Variants in FBXL17 observed in about 807,000 individuals in gnomAD.
FBXL17 encodes the protein F-box/LRR-repeat protein 17.
Under a neutral mutation model 66.2 loss-of-function variants are expected in FBXL17, and 22 were observed. The observed-to-expected ratio is 0.33, with a 90% confidence interval of 0.24 to 0.47. The LOEUF (loss-of-function observed/expected upper bound fraction) is 0.47. Among genes scored for constraint, FBXL17 ranks in the 20% least tolerant of loss-of-function variants. FBXL17 has a pLI of 1.00. For missense variants in FBXL17, 878 were observed against 948.2 expected, an observed-to-expected ratio of 0.93 and a Z score of 0.97; for synonymous variants, 474 against 400.5, an observed-to-expected ratio of 1.18 and a Z score of -2.19.
At chr5:108,208,075 G>C (rs529348271) in intron 5 of FBXL17, among the ~76,000 whole-genome samples, 1 of 152,188 alleles carries the variant, frequency 6.6e-6, no homozygotes, top group Admixed American at 6.5e-5. Context: ...CAGTGATGAT[G>C]AGCATTTTTT....
chr5:108,261,729 T>C (rs1012047614), intron 4 of FBXL17, among the ~76,000 whole-genome samples: 4 of 151,898 alleles, frequency 2.6e-5, no homozygotes, highest in Non-Finnish European at 5.9e-5. Flanking sequence ...CCTGTTATTG[T>C]CTTAAAAACT....
At chr5:108,175,595 C>CCATTTTCATGAAGCGTAAAGGT (rs886091438) in intron 6 of FBXL17, among the ~76,000 whole-genome samples, 7 of 152,154 alleles carry the variant, frequency 4.6e-5, no homozygotes, top group African/African-American at 1.7e-4. Flanking sequence ...TAAAACCTTT[C>CCATTTTCATGAAGCGTAAAGGT]CATTTTCATG....
intron 7 of FBXL17, among the ~76,000 whole-genome samples, chr5:107,903,328 C>T (rs926353289): frequency 1.3e-5 from 2 of 152,104 alleles, no homozygotes; most frequent in African/African-American, 4.8e-5. Flanking sequence ...GTCAGACATA[C>T]AATAACTAAT....
At chr5:108,331,777 C>A (rs527911687) in intron 4 of FBXL17, among the ~76,000 whole-genome samples, 95 of 152,182 alleles carry the variant, frequency 6.2e-4, no homozygotes, top group African/African-American at 2.2e-3. Context: ...CTCTTCTAAC[C>A]CGTATATCAA....
intron 6 of FBXL17, among the ~76,000 whole-genome samples, chr5:108,148,511 C>G (rs1428135244): frequency 2.0e-5 from 3 of 152,152 alleles, no homozygotes; most frequent in Non-Finnish European, 4.4e-5. Context: ...CAAATAAACC[C>G]TCTAAGTTTT....
Position 107,931,257 on chromosome 5 carries a change from AT to A in FBXL17, c.1823-50079del, listed in dbSNP as rs59275945. On this transcript the variant is annotated intron_variant, in intron 7 of 8. Coordinates refer to ENST00000542267, the MANE Select transcript of FBXL17 (RefSeq NM_001163315.3). ...TTTATTGCTGTTCATGTTAAAGAGAATTTTTTTTTTTTTTTTTTTGAGACAG... is the reference window on the plus strand; with the variant it reads ...TTTATTGCTGTTCATGTTAAAGAGAATTTTTTTTTTTTTTTTTTGAGACAG... Among the ~76,000 whole-genome samples the A allele has an allele frequency of 8.2e-3, 931 of 113,726 alleles. 10 individuals carry two copies. Among genetic ancestry groups the A allele is most frequent in the African/African-American group, 0.021 (733 of 34,530 alleles). The allele number at this position is 113,726 out of a possible 152,430, so 74.6% of individuals were successfully genotyped here.
chr5:108,133,599 T>C (rs1226485773), intron 6 of FBXL17, among the ~76,000 whole-genome samples: 2 of 151,696 alleles, frequency 1.3e-5, no homozygotes, highest in African/African-American at 4.8e-5. Flanking sequence ...CAAGACAGCA[T>C]GCAGAGATCT....
At chr5:107,879,613 A>C (rs1007581855) in intron 8 of FBXL17, 1 of 985,362 alleles carries the variant, frequency 1.0e-6, no homozygotes, top group African/African-American at 1.7e-5. Context: ...ATTAACAAAA[A>C]ATCACAAAGG....
At chr5:108,234,361 A>G (rs1314708955) in intron 4 of FBXL17, among the ~76,000 whole-genome samples, 5 of 152,200 alleles carry the variant, frequency 3.3e-5, no homozygotes, top group African/African-American at 7.2e-5. Context: ...GAGCCTCATA[A>G]TAATATTGAG....
At chr5:107,912,388 T>C (rs1012324887) in intron 7 of FBXL17, among the ~76,000 whole-genome samples, 1 of 152,114 alleles carries the variant, frequency 6.6e-6, no homozygotes, top group African/African-American at 2.4e-5. Context: ...AAGTATTTAT[T>C]ATAGTGAAAA....
intron 6 of FBXL17, among the ~76,000 whole-genome samples, chr5:108,148,080 G>A (rs2149993282): frequency 6.6e-6 from 1 of 152,242 alleles, no homozygotes; most frequent in Admixed American, 6.5e-5. Context: ...GAAGGACAGA[G>A]ATGCAAGCAA....
intron 6 of FBXL17, among the ~76,000 whole-genome samples, chr5:108,119,110 A>C (rs1045433559): frequency 6.6e-6 from 1 of 152,206 alleles, no homozygotes; most frequent in African/African-American, 2.4e-5. Flanking sequence ...CATGGAGGCA[A>C]AAGAGGATGC....
chr5:108,328,309 G>C (rs1759954994), intron 4 of FBXL17, among the ~76,000 whole-genome samples: 2 of 151,998 alleles, frequency 1.3e-5, no homozygotes, highest in African/African-American at 4.8e-5. Context: ...GACAGCAGGA[G>C]ACATGGGCAT....
Position 107,861,644 on chromosome 5 carries a change from A to G in FBXL17, c.*76T>C. On this transcript the variant is annotated 3_prime_UTR_variant, in exon 9 of 9. Coordinates refer to ENST00000542267, the MANE Select transcript of FBXL17 (RefSeq NM_001163315.3). ...ACAGGTGACAGTTAAAACCCTTCCGAGAGATCAGCTCCCCAAATGTACAAT... is the reference window on the plus strand; with the variant it reads ...ACAGGTGACAGTTAAAACCCTTCCGGGAGATCAGCTCCCCAAATGTACAAT... 1 of 1,363,724 alleles carries G rather than the reference A, an allele frequency of 7.3e-7. No individual in the cohort carries two copies. Among genetic ancestry groups the G allele is most frequent in the Admixed American group, 2.6e-5 (1 of 37,914 alleles). The allele number at this position is 1,363,724 out of a possible 1,614,324, so 84.5% of individuals were successfully genotyped here.
At chr5:108,119,972 T>C (rs887148599) in intron 6 of FBXL17, among the ~76,000 whole-genome samples, 1 of 152,248 alleles carries the variant, frequency 6.6e-6, no homozygotes, top group Admixed American at 6.5e-5. Context: ...ACTTGCTTCA[T>C]AGTGTGCATT....
At chr5:108,052,104 C>A (rs1192067285) in intron 6 of FBXL17, among the ~76,000 whole-genome samples, 3 of 102,616 alleles carry the variant, frequency 2.9e-5, no homozygotes, top group African/African-American at 7.9e-5. Flanking sequence ...CAGAGTGAGA[C>A]TTCGTCTCAA....
intron 1 of FBXL17, among the ~76,000 whole-genome samples, chr5:108,376,888 C>T (rs1171823881): frequency 1.3e-5 from 2 of 150,334 alleles, no homozygotes; most frequent in Non-Finnish European, 2.9e-5. Flanking sequence ...CGGGTTCAAG[C>T]TGGGATTACA....
intron 6 of FBXL17, among the ~76,000 whole-genome samples, chr5:108,030,037 T>C (rs76453074): frequency 2.6e-5 from 4 of 152,178 alleles, no homozygotes; most frequent in Non-Finnish European, 5.9e-5. Context: ...CAAAGGACTA[T>C]GTAGTATACG....
chr5:108,038,997 T>C (rs1375886266), intron 6 of FBXL17, among the ~76,000 whole-genome samples: 4 of 152,020 alleles, frequency 2.6e-5, no homozygotes, highest in Non-Finnish European at 4.4e-5. Flanking sequence ...AGTGAATAAA[T>C]GGACATTTAA....
Sources: allele counts gnomAD v4.1 joint callset (sites outside exome capture counted in the v4.1 genomes callset), GRCh38; gene constraint gnomAD v4.1.1; transcripts MANE v1.5; gene names NCBI Gene and HGNC (gene_info 2026-07-23, HGNC 2026-07-21).